The following RABGAP1L variants were observed in gnomAD, a reference collection of about 807,000 sequenced individuals.
The protein encoded by RABGAP1L is RAB GTPase activating protein 1 like, also known as rab GTPase-activating protein 1-like.
RABGAP1L carries 63 observed loss-of-function variants against 137.7 expected under a neutral mutation model. That is an observed-to-expected ratio of 0.46 (90% confidence interval 0.37 to 0.56). The LOEUF (loss-of-function observed/expected upper bound fraction) is 0.56, where lower values mean the gene tolerates loss of function less well. Ranked by LOEUF, RABGAP1L falls within the 20% of genes least tolerant of loss-of-function variation. RABGAP1L has a pLI of 0.00. For missense variants in RABGAP1L, 1,095 were observed against 1,244.0 expected (o/e 0.88, Z 1.80); for synonymous variants, 431 against 433.7 (o/e 0.99, Z 0.08).
At chr1:174,596,964 A>G (rs751551895) in intron 13 of RABGAP1L, among the ~76,000 whole-genome samples, 27 of 152,158 alleles carry the variant, frequency 1.8e-4, no homozygotes, top group African/African-American at 5.3e-4. Context: ...TTTTGTATCA[A>G]TTGAAATGAT....
chr1:174,637,289 T>C (rs1186403563), intron 13 of RABGAP1L, 86 bp from the exon 14 acceptor site: 1 of 879,016 alleles, frequency 1.1e-6, no homozygotes, highest in Non-Finnish European at 1.8e-6. Flanking sequence ...CTTTTCTTGC[T>C]GTTTGAGTTT....
At chr1:174,272,629 T>A in intron 8 of RABGAP1L, 149 bp downstream of exon 8, 1 of 1,063,308 alleles carries the variant, frequency 9.4e-7, no homozygotes, top group Non-Finnish European at 1.2e-6. Context: ...AACGCAAACT[T>A]AAAATTACTT....
chr1:174,636,732 A>G (rs1195165035), intron 13 of RABGAP1L, among the ~76,000 whole-genome samples: 1 of 152,152 alleles, frequency 6.6e-6, no homozygotes, highest in South Asian at 2.1e-4. Flanking sequence ...ATACTCTACT[A>G]TTGTTTGGAG....
rs35464065 is a variant in RABGAP1L at position 174,859,482 on chromosome 1, C to CAAAAAAAAAAAAAAAAAAAA, written c.2340+47531_2340+47532insAAAAAAAAAAAAAAAAAAAA. ...TGGGAGACAGAGCGAGACTCCATCT[C>CAAAAAAAAAAAAAAAAAAAA]AAAAAAAAAGAAAATGTGGTACATA... is the stretch of plus-strand genomic sequence containing the variant. On this transcript the variant is annotated intron_variant, in intron 19 of 25. Coordinates refer to ENST00000681986, the MANE Select transcript of RABGAP1L (RefSeq NM_001366446.1). Among the ~76,000 whole-genome samples, 151 of 133,320 alleles carry CAAAAAAAAAAAAAAAAAAAA rather than the reference C, an allele frequency of 1.1e-3. 3 individuals are homozygous for CAAAAAAAAAAAAAAAAAAAA. In the East Asian group the frequency reaches 0.014, roughly 13 times the overall value. The allele number at this position is 133,320 out of a possible 152,430, so 87.5% of individuals were successfully genotyped here.
At chr1:174,789,983 A>G (rs769432859) in intron 18 of RABGAP1L, among the ~76,000 whole-genome samples, 10 of 152,090 alleles carry the variant, frequency 6.6e-5, no homozygotes, top group Non-Finnish European at 1.3e-4. Context: ...TGAGGTGTGC[A>G]GAGCACTGGA....
At chr1:174,240,527 C>T (rs1050107467) in intron 4 of RABGAP1L, among the ~76,000 whole-genome samples, 2 of 152,194 alleles carry the variant, frequency 1.3e-5, no homozygotes, top group Admixed American at 6.5e-5. Context: ...GGATTACAGG[C>T]GTGAGCCACT....
Position 174,957,907 on chromosome 1 carries a change from T to G in RABGAP1L, c.2433+358T>G. The G allele has an allele frequency of 4.4e-6, 7 of 1,586,796 alleles. No individual in the cohort carries two copies. In the African/African-American group the frequency reaches 6.8e-5, roughly 15 times the overall value. ...TTCTTTCAGTTTGTATATTTGTAGG[T>G]AACTCCAGCTGTTGCATTTATACTG... On this transcript the variant is annotated intron_variant, in intron 20 of 25. Transcript: ENST00000681986.
intron 11 of RABGAP1L, among the ~76,000 whole-genome samples, chr1:174,332,692 G>A (rs1409848528): frequency 6.6e-6 from 1 of 152,026 alleles, no homozygotes; most frequent in Non-Finnish European, 1.5e-5. Flanking sequence ...CACCGCGCCC[G>A]GCTGAGAAAC....
chr1:174,786,644 TA>T (rs1687466682), intron 18 of RABGAP1L, among the ~76,000 whole-genome samples: 1 of 152,212 alleles, frequency 6.6e-6, no homozygotes, highest in Non-Finnish European at 1.5e-5. Flanking sequence ...CGTTGACCTT[TA>T]TTTATTTTCT....
intron 19 of RABGAP1L, among the ~76,000 whole-genome samples, chr1:174,868,770 C>A (rs986765267): frequency 6.6e-6 from 1 of 152,108 alleles, no homozygotes; most frequent in African/African-American, 2.4e-5. Context: ...GAGAGGGCAG[C>A]AAACTGTAGG....
Position 174,946,966 on chromosome 1 carries a change from G to GTT in RABGAP1L, c.2341-10490_2341-10489insTT, listed in dbSNP as rs1666959270. ...TGTGTGTGTGTGTGTGTGTGTGTGTGTGTGTGTGTGTGTGTATATATATGT... is the reference window on the plus strand; with the variant it reads ...TGTGTGTGTGTGTGTGTGTGTGTGTGTTTGTGTGTGTGTGTGTATATATATGT... On this transcript the variant is annotated intron_variant, in intron 19 of 25. Coordinates refer to ENST00000681986, the MANE Select transcript of RABGAP1L (RefSeq NM_001366446.1). 6.2e-5 allele frequency among the ~76,000 whole-genome samples: 8 copies of GTT among 128,190 alleles called. No individual in the cohort carries two copies. The South Asian group carries it at 2.0e-3, about 33-fold the overall frequency. 84.1% of individuals were successfully genotyped at this position (128,190 alleles called of 152,430 possible). A position where few individuals can be genotyped will look rare whatever the true frequency, so the allele number is the denominator to read the frequency against.
intron 18 of RABGAP1L, among the ~76,000 whole-genome samples, chr1:174,808,045 G>A (rs559947269): frequency 6.0e-5 from 9 of 149,744 alleles, no homozygotes; most frequent in Admixed American, 3.3e-4. Flanking sequence ...GTGCAGTGGC[G>A]CGATCTCGGC....
At chr1:174,223,280 A>AAC (rs1669904919) in intron 3 of RABGAP1L, among the ~76,000 whole-genome samples, 1 of 130,732 alleles carries the variant, frequency 7.6e-6, no homozygotes, top group Non-Finnish European at 1.5e-5. Flanking sequence ...AAAAAAAAAA[A>AAC]AAAAAAAAAA....
At chr1:174,947,709 C>G (rs971826364) in intron 19 of RABGAP1L, among the ~76,000 whole-genome samples, 2 of 152,046 alleles carry the variant, frequency 1.3e-5, no homozygotes, top group Non-Finnish European at 2.9e-5. Flanking sequence ...TGTAAGCCAC[C>G]GCACCCAGCC....
intron 19 of RABGAP1L, chr1:174,874,483 G>A (rs1652746401): frequency 3.5e-5 from 34 of 984,328 alleles, no homozygotes; most frequent in Admixed American, 6.2e-5. Flanking sequence ...GGTTTCTGTT[G>A]CCTGTTTTGA....
At chr1:174,697,883 CATAGATAA>C (rs1222675871) in intron 15 of RABGAP1L, among the ~76,000 whole-genome samples, 2 of 152,068 alleles carry the variant, frequency 1.3e-5, no homozygotes, top group African/African-American at 4.8e-5. Context: ...TCAAACAACT[CATAGATAA>C]AAAGAAAATA....
At chr1:174,873,510 ATT>A (rs11339447) in intron 19 of RABGAP1L, among the ~76,000 whole-genome samples, 3,821 of 135,902 alleles carry the variant, frequency 0.028, 142 homozygotes, top group African/African-American at 0.095. Context: ...AGTTGAGATA[ATT>A]TTTTTTTTTT....
At position 174,173,170 on chromosome 1, in the gene RABGAP1L, G is replaced by T. The variant is rs146541175; in HGVS notation, c.-34+13513G>T. Among the ~76,000 whole-genome samples the T allele has an allele frequency of 1.2e-3, 175 of 148,134 alleles. 1 individual carries two copies. The highest frequency in any genetic ancestry group is 4.3e-3 in the African/African-American group (171 of 40,152). On this transcript the variant is annotated intron_variant, in intron 1 of 25. Transcript: ENST00000681986. ...TTTAAGATGGAGTCTCACTCTTGTTGCCCAGGCTGGAGTGCAATGGCATGG... is the reference window on the plus strand; with the variant it reads ...TTTAAGATGGAGTCTCACTCTTGTTTCCCAGGCTGGAGTGCAATGGCATGG...
intron 13 of RABGAP1L, among the ~76,000 whole-genome samples, chr1:174,503,129 A>G (rs1428036974): frequency 1.3e-5 from 2 of 152,152 alleles, no homozygotes; most frequent in African/African-American, 4.8e-5. Flanking sequence ...GGGTTTGCAA[A>G]CTATGACCTG....
Sources: gnomAD v4.1 joint callset for allele counts (sites outside exome capture counted in the v4.1 genomes callset) on GRCh38, gnomAD v4.1.1 for gene constraint, MANE v1.5 for transcripts, NCBI Gene and HGNC (gene_info 2026-07-23, HGNC 2026-07-21) for gene names.